ARID5B: variants seen among roughly 807,000 people sequenced by gnomAD.
ARID5B encodes the protein AT-rich interaction domain 5B.
ARID5B carries 13 observed loss-of-function variants against 97.2 expected under a neutral mutation model. The ratio of observed to expected loss-of-function variants is 0.13; its 90% CI spans 0.09 to 0.21. ARID5B has a LOEUF of 0.21. ARID5B is among the 10% of genes least tolerant of loss of function. The pLI is 1.00. For missense variants in ARID5B, 1,210 were observed against 1,465.3 expected, an observed-to-expected ratio of 0.83 and a Z score of 2.84; for synonymous variants, 556 against 570.3, an observed-to-expected ratio of 0.97 and a Z score of 0.36.
intron 4 of ARID5B, among the ~76,000 whole-genome samples, chr10:62,028,493 T>G (rs1012470476): frequency 1.3e-5 from 2 of 152,166 alleles, no homozygotes; most frequent in Non-Finnish European, 2.9e-5. Context: ...AACAAGAAGA[T>G]GAACTCTGGA....
In ARID5B at chr10:61,902,162, G is replaced by A. The variant is rs756054366; in HGVS notation, c.25G>A (p.Val9Ile). MEPNSLQW[V>I]GSPCGLHGPY... Reference sequence around the variant, plus strand: ...GTGTTTTTTTCCCCCCCTGCAGTGGGTCGGCTCACCGTGTGGCTTGCACGG... The same window carrying A: ...GTGTTTTTTTCCCCCCCTGCAGTGGATCGGCTCACCGTGTGGCTTGCACGG... Residue 9 changes from valine (V) to isoleucine (I), a missense_variant, in exon 2 of 10, where the codon GTC becomes ATC. Around this residue, in one of 8 missense-constraint regions of ARID5B, gnomAD observed 80 missense variants for 133.2 expected, o/e 0.60. Transcript: ENST00000279873. 4 of 1,612,154 alleles carry A rather than the reference G, an allele frequency of 2.5e-6. No homozygotes were observed. The highest frequency in any genetic ancestry group is 1.7e-5 in the Admixed American group (1 of 59,934).
chr10:62,050,963 A>C lies in ARID5B; in HGVS notation c.809A>C (p.Asp270Ala). Reference sequence around the variant, plus strand: ...AGAGATTCATTCAGTGGTGTTAAGGATTCCAACAACAATTCCGATGGCAAA... The same window carrying C: ...AGAGATTCATTCAGTGGTGTTAAGGCTTCCAACAACAATTCCGATGGCAAA... ...QRRDSFSGVKDSNNNSDGKAV... is the reference protein window; with the variant it reads ...QRRDSFSGVKASNNNSDGKAV... The change falls in exon 5 of 10, where the codon GAT (aspartate) becomes GCT (alanine). Residue 270 changes from aspartate (D) to alanine (A), a missense_variant. This residue lies in a region of ARID5B where 132 missense variants were observed against 156.7 expected (regional missense o/e 0.84). Transcript: ENST00000279873. 1 of 1,614,224 alleles carries C rather than the reference A, an allele frequency of 6.2e-7. No individual in the cohort carries two copies. The highest frequency in any genetic ancestry group is 8.5e-7 in the Non-Finnish European group (1 of 1,180,014).
chr10:61,940,313 G>A lies in ARID5B; in HGVS notation c.407G>A (p.Arg136Lys). 1.9e-6 allele frequency: 3 copies of A among 1,614,174 alleles called. No individual in the cohort carries two copies. The highest frequency in any genetic ancestry group is 2.5e-6 in the Non-Finnish European group (3 of 1,180,018). Residue 136 changes from arginine (R) to lysine (K), a missense_variant, in exon 3 of 10, where the codon AGG (arginine) becomes AAG (lysine). Physicochemically the swap from Arg to Lys is conservative, Grantham distance 26. Transcript: ENST00000279873. ...CCAGTGAAAACTGAGGCCTTGGGAA[G>A]GAATGGACAGAAGGAAGCTCTGCTG... Reference protein sequence around the residue: ...AGPVKTEALGRNGQKEALLKY... With the variant: ...AGPVKTEALGKNGQKEALLKY...
At chr10:62,068,922 G>A (rs1461068400) in intron 7 of ARID5B, among the ~76,000 whole-genome samples, 1 of 152,120 alleles carries the variant, frequency 6.6e-6, no homozygotes, top group African/African-American at 2.4e-5. Flanking sequence ...TATATTACAA[G>A]CTGTTTGTTT....
At chr10:61,914,258 G>A (rs533838783) in intron 2 of ARID5B, among the ~76,000 whole-genome samples, 13 of 152,330 alleles carry the variant, frequency 8.5e-5, no homozygotes, top group East Asian at 5.8e-4. Flanking sequence ...GTACTTATGC[G>A]AACATCTGAT....
chr10:61,996,642 A>G (rs1218830758), intron 3 of ARID5B, among the ~76,000 whole-genome samples: 1 of 152,144 alleles, frequency 6.6e-6, no homozygotes, highest in Non-Finnish European at 1.5e-5. Context: ...CTATATAAAA[A>G]ACCTTTGTGA....
chr10:62,007,172 G>A (rs1336338921), intron 4 of ARID5B, among the ~76,000 whole-genome samples: 4 of 152,300 alleles, frequency 2.6e-5, no homozygotes, highest in Middle Eastern at 3.4e-3. Flanking sequence ...TTCAGAATAA[G>A]TCTATGTTCG....
At chr10:62,051,488 A>G (rs796325853) in intron 5 of ARID5B, among the ~76,000 whole-genome samples, 8 of 152,376 alleles carry the variant, frequency 5.3e-5, no homozygotes, top group African/African-American at 1.9e-4. Flanking sequence ...ACATTAGACT[A>G]AAATTAAAGA....
chr10:62,040,094 C>A (rs1048729213), intron 4 of ARID5B, among the ~76,000 whole-genome samples: 1 of 152,202 alleles, frequency 6.6e-6, no homozygotes, highest in Non-Finnish European at 1.5e-5. Context: ...GAGAACAAGT[C>A]ATGAAATAAA....
rs144254235 is a variant in ARID5B at position 62,093,007 on chromosome 10, G to A, written c.3544G>A (p.Val1182Met). The change falls in exon 10 of 10, where the codon GTG (valine) becomes ATG (methionine). Residue 1182 changes from valine to methionine, a missense_variant. Val to Met is a conservative substitution (Grantham distance 21). Around this residue, in one of 8 missense-constraint regions of ARID5B, gnomAD observed 54 missense variants for 67.4 expected, o/e 0.80. Coordinates refer to ENST00000279873, the MANE Select transcript of ARID5B (RefSeq NM_032199.3). ...CTTTCCATCTTCCCAGCTGTCATCC[G>A]TGCACCCCAGTACAAAACTGTAGGC... The part of the protein sequence containing the change: ...AAFPSSQLSS[V>M]HPSTKL The A allele has an allele frequency of 1.2e-4, 189 of 1,609,904 alleles. No individual in the cohort carries two copies. In the African/African-American group the frequency reaches 2.2e-3, roughly 19 times the overall value.
chr10:62,050,904 C>G lies in ARID5B; in HGVS notation c.750C>G (p.Gly250=). The change falls in exon 5 of 10, where the codon GGC becomes GGG. Residue 250 remains glycine, a synonymous_variant. Coordinates refer to ENST00000279873, the MANE Select transcript of ARID5B (RefSeq NM_032199.3). ...ICDEFAPNLK[G]RPRKKKPCPQ... The stretch of plus-strand genomic sequence containing the variant: ...TGTTTTCAGCGCCAAATCTTAAAGG[C>G]AGACCACGCAAAAAGAAACCATGCC... The G allele has an allele frequency of 6.2e-7, 1 of 1,614,088 alleles. No individual in the cohort carries two copies. Among genetic ancestry groups the G allele is most frequent in the Non-Finnish European group, 8.5e-7 (1 of 1,179,970 alleles).
At chr10:61,930,527 T>C (rs1844186721) in intron 2 of ARID5B, among the ~76,000 whole-genome samples, 1 of 151,922 alleles carries the variant, frequency 6.6e-6, no homozygotes, top group South Asian at 2.1e-4. Context: ...GAGACCATCC[T>C]GGCTAACACG....
At chr10:61,920,029 C>T (rs113275881) in intron 2 of ARID5B, among the ~76,000 whole-genome samples, 1 of 152,234 alleles carries the variant, frequency 6.6e-6, no homozygotes, top group Non-Finnish European at 1.5e-5. Flanking sequence ...TCTCTCCTGA[C>T]CCCCAGAATT....
chr10:62,010,642 A>G (rs908297964), intron 4 of ARID5B, among the ~76,000 whole-genome samples: 1 of 152,228 alleles, frequency 6.6e-6, no homozygotes, highest in Admixed American at 6.5e-5. Context: ...TTTTCAAACC[A>G]AAGAGACATT....
intron 4 of ARID5B, among the ~76,000 whole-genome samples, chr10:62,021,019 T>G (rs547732490): frequency 7.5e-6 from 1 of 133,068 alleles, no homozygotes; most frequent in Non-Finnish European, 1.5e-5. Flanking sequence ...GATCATGGGT[T>G]TGTCACATGA....
intron 8 of ARID5B, among the ~76,000 whole-genome samples, chr10:62,081,353 G>A (rs1840211467): frequency 6.6e-6 from 1 of 152,172 alleles, no homozygotes; most frequent in South Asian, 2.1e-4. Context: ...TTCAAGCTCT[G>A]TAAATAGATG....
At chr10:62,041,165 C>G (rs1314995922) in intron 4 of ARID5B, among the ~76,000 whole-genome samples, 3 of 152,136 alleles carry the variant, frequency 2.0e-5, no homozygotes, top group Non-Finnish European at 4.4e-5. Context: ...GTACCCTCAC[C>G]CCACCCTGCT....
chr10:61,954,297 C>T (rs1035484785), intron 3 of ARID5B, among the ~76,000 whole-genome samples: 1 of 151,540 alleles, frequency 6.6e-6, no homozygotes, highest in Non-Finnish European at 1.5e-5. Context: ...GTGGGGGTTG[C>T]AGTGAGCCAA....
intron 7 of ARID5B, among the ~76,000 whole-genome samples, chr10:62,068,230 A>C (rs943799740): frequency 2.6e-5 from 4 of 152,228 alleles, no homozygotes; most frequent in Non-Finnish European, 5.9e-5. Flanking sequence ...ATCTAAAACA[A>C]ACTGTAAATA....
Sources: gnomAD v4.1 joint callset for allele counts (sites outside exome capture counted in the v4.1 genomes callset) on GRCh38, gnomAD v4.1.1 for gene constraint, gnomAD v4.1.1 regional missense constraint, MANE v1.5 for transcripts, NCBI Gene and HGNC (gene_info 2026-07-23, HGNC 2026-07-21) for gene names.